CHD7: variants seen among roughly 807,000 people sequenced by gnomAD.
CHD7 encodes the protein chromodomain helicase DNA binding protein 7.
CHD7 carries 24 observed loss-of-function variants against 307.3 expected under a neutral mutation model. The ratio of observed to expected loss-of-function variants is 0.08; its 90% CI spans 0.06 to 0.11. The LOEUF (loss-of-function observed/expected upper bound fraction) is 0.11. Among genes scored for constraint, CHD7 ranks in the 10% least tolerant of loss-of-function variants. CHD7 has a pLI of 1.00. For missense variants in CHD7, 3,106 were observed against 3,727.1 expected (o/e 0.83, Z 4.34); for synonymous variants, 1,363 against 1,349.9 (o/e 1.01, Z -0.21).
At chr8:60,859,634 T>G (rs1305239351) in intron 34 of CHD7, among the ~76,000 whole-genome samples, 1 of 152,180 alleles carries the variant, frequency 6.6e-6, no homozygotes. Context: ...GTACTTCAAT[T>G]AAGTTTTGAA....
Position 60,734,339 on chromosome 8 carries a change from C to T in CHD7, c.-174-6920C>T, listed in dbSNP as rs369628095. The stretch of plus-strand genomic sequence containing the variant: ...AGAGTCTGCGTCTCTTACCAGCTCC[C>T]GGGGGTGCCAGGGGTCCTGTCTCTC... On this transcript the variant is annotated intron_variant, in intron 1 of 37. Coordinates refer to ENST00000423902, the MANE Select transcript of CHD7 (RefSeq NM_017780.4). 1.1e-4 allele frequency among the ~76,000 whole-genome samples: 17 copies of T among 152,234 alleles called. No homozygotes were observed. The East Asian group carries it at 3.1e-3, about 28-fold the overall frequency.
rs767155639 is a variant in CHD7, at chr8:60,856,151, A to C, written c.7113A>C (p.Gln2371His). Residue 2371 changes from glutamine (Q) to histidine (H), a missense_variant, in exon 33 of 38, where the codon CAA (glutamine) becomes CAC (histidine). Physicochemically the swap from Gln to His is conservative, Grantham distance 24. Around this residue, in one of 10 missense-constraint regions of CHD7, gnomAD observed 1,030 missense variants for 1,165.4 expected, o/e 0.88. Transcript: ENST00000423902. The stretch of plus-strand genomic sequence containing the variant: ...TTGCTGAGCTCTCCATGGTCGGCCA[A>C]GCCAGCATTAGTGGGAGTGAGGACA... ...RSFAELSMVG[Q>H]ASISGSEDIT... The C allele has an allele frequency of 6.2e-7, 1 of 1,606,964 alleles. No homozygotes were observed. The highest frequency in any genetic ancestry group is 8.5e-7 in the Non-Finnish European group (1 of 1,176,574).
At chr8:60,699,131 T>C (rs1439640944) in intron 1 of CHD7, among the ~76,000 whole-genome samples, 1 of 152,204 alleles carries the variant, frequency 6.6e-6, no homozygotes, top group Non-Finnish European at 1.5e-5. Context: ...CAATTAGATA[T>C]TAGCATATTT....
intron 1 of CHD7, among the ~76,000 whole-genome samples, chr8:60,703,244 C>T (rs781598386): frequency 1.3e-5 from 2 of 152,140 alleles, no homozygotes; most frequent in Non-Finnish European, 2.9e-5. Flanking sequence ...TGTTACGCAT[C>T]CATCACCAGC....
chr8:60,743,303 A>G (rs985654027), intron 2 of CHD7, among the ~76,000 whole-genome samples: 6 of 152,264 alleles, frequency 3.9e-5, no homozygotes, highest in African/African-American at 1.4e-4. Flanking sequence ...GGATATGTAG[A>G]TAACTAAGAC....
At chr8:60,699,068 A>C (rs188766206) in intron 1 of CHD7, among the ~76,000 whole-genome samples, 15 of 152,356 alleles carry the variant, frequency 9.8e-5, no homozygotes, top group African/African-American at 3.6e-4. Flanking sequence ...TCAAATAAAC[A>C]TGGTACATAA....
chr8:60,781,891 C>T (rs1007820675), intron 3 of CHD7, among the ~76,000 whole-genome samples: 16 of 152,142 alleles, frequency 1.1e-4, no homozygotes, highest in Non-Finnish European at 1.5e-5. Context: ...GTAAGCCTTC[C>T]AGGAGCAGGG....
chr8:60,845,881 T>G (rs1805190349), intron 23 of CHD7, among the ~76,000 whole-genome samples: 1 of 152,240 alleles, frequency 6.6e-6, no homozygotes, highest in Non-Finnish European at 1.5e-5. Flanking sequence ...AAACAGTAAC[T>G]TGCCTGGCCC....
At chr8:60,811,285 A>G (rs1812795676) in intron 7 of CHD7, among the ~76,000 whole-genome samples, 1 of 152,224 alleles carries the variant, frequency 6.6e-6, no homozygotes, top group Non-Finnish European at 1.5e-5. Flanking sequence ...TCAGAACTAT[A>G]CACAAAAGAA....
chr8:60,712,804 C>A (rs1807348547), intron 1 of CHD7, among the ~76,000 whole-genome samples: 2 of 151,964 alleles, frequency 1.3e-5, no homozygotes, highest in Admixed American at 1.3e-4. Context: ...TATCCCAGCA[C>A]TTTGGGAGGC....
intron 1 of CHD7, among the ~76,000 whole-genome samples, chr8:60,691,466 A>G (rs189261887): frequency 2.0e-5 from 3 of 152,362 alleles, no homozygotes; most frequent in African/African-American, 7.2e-5. Context: ...CTCTCCTGAT[A>G]CACTACTTCG....
At chr8:60,855,876 A>G (rs1412605979) in intron 32 of CHD7, 99 bp from the exon 33 acceptor site, 1 of 781,334 alleles carries the variant, frequency 1.3e-6, no homozygotes, top group Non-Finnish European at 2.1e-6. Context: ...GTTGACTTTT[A>G]AACATTTTAT....
At chr8:60,720,212 G>A (rs976492764) in intron 1 of CHD7, among the ~76,000 whole-genome samples, 1 of 152,096 alleles carries the variant, frequency 6.6e-6, no homozygotes, top group Non-Finnish European at 1.5e-5. Context: ...GGCCGGTTGG[G>A]TCATTTCAGT....
intron 37 of CHD7, chr8:60,863,624 T>A (rs766574756): frequency 6.6e-5 from 10 of 152,182 alleles, no homozygotes. Flanking sequence ...AAAAATACTT[T>A]TACATATATT....
rs1805475068 is a variant in CHD7 at position 60,852,003 on chromosome 8, T to G, written c.5666-16T>G. On this transcript the variant is annotated splice_polypyrimidine_tract_variant and intron_variant, in intron 28 of 37. Coordinates refer to ENST00000423902, the MANE Select transcript of CHD7 (RefSeq NM_017780.4). ...TTGCAGCTACACATTTCAAAAATGT[T>G]TTTCCACTTCCCCAGGCAAGCACAG... 12 of 1,577,820 alleles carry G rather than the reference T, an allele frequency of 7.6e-6. No individual in the cohort carries two copies. Among genetic ancestry groups the G allele is most frequent in the Non-Finnish European group, 1.0e-5 (12 of 1,155,596 alleles).
At chr8:60,765,102 C>G (rs1347402339) in intron 2 of CHD7, among the ~76,000 whole-genome samples, 1 of 152,130 alleles carries the variant, frequency 6.6e-6, no homozygotes, top group Non-Finnish European at 1.5e-5. Flanking sequence ...GATGTGACAT[C>G]CACATTAACA....
intron 7 of CHD7, among the ~76,000 whole-genome samples, chr8:60,810,896 C>T (rs1028984661): frequency 1.3e-5 from 2 of 152,284 alleles, no homozygotes; most frequent in South Asian, 2.1e-4. Context: ...GAGCGGCAGG[C>T]GACTGAGCAT....
chr8:60,754,492 A>G (rs1809791261), intron 2 of CHD7, among the ~76,000 whole-genome samples: 1 of 151,922 alleles, frequency 6.6e-6, no homozygotes, highest in African/African-American at 2.4e-5. Context: ...TTTACCTTCT[A>G]CTCTTTCACT....
chr8:60,722,673 T>C (rs1807969492), intron 1 of CHD7, among the ~76,000 whole-genome samples: 1 of 152,218 alleles, frequency 6.6e-6, no homozygotes, highest in African/African-American at 2.4e-5. Flanking sequence ...ACAAAAGTTG[T>C]TGACAATGAG....
Sources: allele counts gnomAD v4.1 joint callset (sites outside exome capture counted in the v4.1 genomes callset), GRCh38; gene constraint gnomAD v4.1.1; regional missense constraint gnomAD v4.1.1; transcripts MANE v1.5; gene names NCBI Gene and HGNC (gene_info 2026-07-23, HGNC 2026-07-21).